CNTLN: variants seen among roughly 807,000 people sequenced by gnomAD.
CNTLN encodes centlein, centrosomal protein.
A neutral mutation model predicts 180.0 loss-of-function variants in CNTLN; 212 were observed. The ratio of observed to expected loss-of-function variants is 1.18; its 90% CI spans 1.05 to 1.32. The LOEUF (loss-of-function observed/expected upper bound fraction) is 1.32. Among genes scored for constraint, CNTLN ranks in the 40% most tolerant of loss-of-function variants. The pLI is 0.00. For missense variants in CNTLN, 2,095 were observed against 1,610.9 expected (o/e 1.30, Z -5.14); for synonymous variants, 722 against 563.1 (o/e 1.28, Z -3.99).
At chr9:17,515,332 T>C in the CNTLN span, among the ~76,000 whole-genome samples, 1 of 152,118 alleles carries the variant, frequency 6.6e-6, no homozygotes, top group Non-Finnish European at 1.5e-5. Flanking sequence ...ACTACCAGGC[T>C]CACTTTTAAG....
chr9:17,158,156 C>CT (rs1819429319), intron 2 of CNTLN, among the ~76,000 whole-genome samples: 2 of 152,108 alleles, frequency 1.3e-5, no homozygotes, highest in Non-Finnish European at 2.9e-5. Context: ...TTGAGATGAT[C>CT]ATGTGATTTT....
chr9:17,432,583 A>AT lies in CNTLN; in HGVS notation c.3114+16403dup, dbSNP rs201056979. Among the ~76,000 whole-genome samples the AT allele has an allele frequency of 1.7e-4, 26 of 151,866 alleles. No homozygotes were observed. In the East Asian group the frequency reaches 2.1e-3, roughly 12 times the overall value. On this transcript the variant is annotated intron_variant, in intron 18 of 25. Transcript: ENST00000380647. ...AAGGATGGGAGATTAAATGGTGAAA[A>AT]TTTTTTTTTCAAGAGAAGTTAGAAT...
At chr9:17,227,858 T>G (rs1250349931) in intron 3 of CNTLN, among the ~76,000 whole-genome samples, 1 of 152,086 alleles carries the variant, frequency 6.6e-6, no homozygotes, top group Non-Finnish European at 1.5e-5. Context: ...AACATTTGTA[T>G]TTACCACCCA....
downstream of CNTLN, among the ~76,000 whole-genome samples, chr9:17,508,312 A>T (rs1833969014): frequency 6.6e-6 from 1 of 152,256 alleles, no homozygotes; most frequent in African/African-American, 2.4e-5. Flanking sequence ...GTTTTTGAAT[A>T]CACTTCACCC....
chr9:17,398,638 A>G (rs896090300), intron 15 of CNTLN, among the ~76,000 whole-genome samples: 2 of 152,180 alleles, frequency 1.3e-5, no homozygotes, highest in Non-Finnish European at 2.9e-5. Context: ...TCATAAGCAG[A>G]GGGAGTTTCA....
chr9:17,258,636 C>G (rs1404176810), intron 5 of CNTLN, among the ~76,000 whole-genome samples: 1 of 148,758 alleles, frequency 6.7e-6, no homozygotes, highest in East Asian at 2.0e-4. Context: ...CATTTGTATC[C>G]TCTTTTATTT....
intron 15 of CNTLN, among the ~76,000 whole-genome samples, chr9:17,400,351 C>G (rs1381934972): frequency 6.6e-6 from 1 of 152,132 alleles, no homozygotes; most frequent in East Asian, 1.9e-4. Flanking sequence ...GTTGGCCAGG[C>G]TGGTCTGGAA....
At chr9:17,323,468 G>T (rs1010749824) in intron 8 of CNTLN, among the ~76,000 whole-genome samples, 1 of 152,174 alleles carries the variant, frequency 6.6e-6, no homozygotes, top group Admixed American at 6.5e-5. Context: ...GGGAGTAGAA[G>T]CACAAGCTCC....
chr9:17,308,999 CACACAG>C (rs957035477), intron 7 of CNTLN, 53 bp from the exon 8 acceptor site: 12 of 1,163,194 alleles, frequency 1.0e-5, no homozygotes, highest in African/African-American at 9.4e-5. Context: ...CACACACAGA[CACACAG>C]ACACATAGTT....
intron 18 of CNTLN, among the ~76,000 whole-genome samples, chr9:17,436,617 G>A (rs968442621): frequency 6.6e-6 from 1 of 152,070 alleles, no homozygotes; most frequent in East Asian, 1.9e-4. Context: ...CTTATTTCGT[G>A]GATCTTCATT....
chr9:17,489,231 T>A (rs1468799038), intron 25 of CNTLN, among the ~76,000 whole-genome samples: 1 of 152,144 alleles, frequency 6.6e-6, no homozygotes, highest in Non-Finnish European at 1.5e-5. Context: ...AGCCTTTTTT[T>A]AGAGTCTGAG....
intron 5 of CNTLN, among the ~76,000 whole-genome samples, chr9:17,258,892 T>C (rs1443925138): frequency 6.8e-6 from 1 of 146,116 alleles, no homozygotes; most frequent in Admixed American, 6.8e-5. Context: ...AGTGGGGTTT[T>C]CTAGATATAC....
chr9:17,501,314 G>C (rs939933325), intron 25 of CNTLN, among the ~76,000 whole-genome samples: 7 of 152,162 alleles, frequency 4.6e-5, no homozygotes, highest in African/African-American at 1.7e-4. Context: ...ACATAAGAAG[G>C]GACTTAAACT....
intron 18 of CNTLN, among the ~76,000 whole-genome samples, chr9:17,428,475 C>T (rs1829225688): frequency 6.6e-6 from 1 of 152,136 alleles, no homozygotes; most frequent in Non-Finnish European, 1.5e-5. Flanking sequence ...TACTGAATGA[C>T]TCAGCTACTG....
At chr9:17,488,491 A>G (rs1714130568) in intron 25 of CNTLN, among the ~76,000 whole-genome samples, 1 of 152,178 alleles carries the variant, frequency 6.6e-6, no homozygotes, top group African/African-American at 2.4e-5. Context: ...CTTTGTAAAT[A>G]TGGCCTGTAT....
chr9:17,380,909 G>A (rs778083656), intron 13 of CNTLN, among the ~76,000 whole-genome samples: 9 of 152,186 alleles, frequency 5.9e-5, no homozygotes, highest in African/African-American at 2.2e-4. Context: ...TCTGCTCCAT[G>A]TGTCTGATTC....
intron 2 of CNTLN, among the ~76,000 whole-genome samples, chr9:17,189,127 A>G (rs371266840): frequency 0.012 from 1,580 of 126,600 alleles, 30 homozygotes; most frequent in African/African-American, 0.043. Context: ...CTGTCGCCCA[A>G]GCTGGAGTGC....
intron 5 of CNTLN, among the ~76,000 whole-genome samples, chr9:17,240,007 G>C (rs1229360321): frequency 2.0e-5 from 3 of 152,130 alleles, no homozygotes; most frequent in Non-Finnish European, 4.4e-5. Flanking sequence ...AAGGCCATCA[G>C]AGAGTTTAAT....
At chr9:17,284,832 CT>C (rs1350707555) in intron 6 of CNTLN, among the ~76,000 whole-genome samples, 7 of 151,834 alleles carry the variant, frequency 4.6e-5, no homozygotes, top group Admixed American at 3.3e-4. Flanking sequence ...TTCTCTATTT[CT>C]TTTAGTTTTG....
Sources: gnomAD v4.1 joint callset for allele counts (sites outside exome capture counted in the v4.1 genomes callset) on GRCh38, gnomAD v4.1.1 for gene constraint, MANE v1.5 for transcripts, NCBI Gene and HGNC (gene_info 2026-07-23, HGNC 2026-07-21) for gene names.